Variants in SRGAP3 observed in about 807,000 individuals in gnomAD.
SRGAP3 encodes the protein SLIT-ROBO Rho GTPase-activating protein 3.
In SRGAP3, 39 loss-of-function variants were observed where a neutral mutation model predicts 121.1. The ratio of observed to expected loss-of-function variants is 0.32; its 90% confidence interval spans 0.25 to 0.42. The LOEUF is 0.42. SRGAP3 is among the 10% of genes least tolerant of loss of function. SRGAP3 has a pLI of 1.00. For synonymous variants in SRGAP3, 601 were observed against 570.0 expected, an observed-to-expected ratio of 1.05 and a Z score of -0.77; for missense variants, 1,213 against 1,470.6, an observed-to-expected ratio of 0.82 and a Z score of 2.86.
At chr3:9,224,090 T>C (rs1952906121) in intron 1 of SRGAP3, among the ~76,000 whole-genome samples, 1 of 152,104 alleles carries the variant, frequency 6.6e-6, no homozygotes, top group Admixed American at 6.5e-5. Context: ...CAAACACGCC[T>C]GCAACAAACA....
intron 2 of SRGAP3, among the ~76,000 whole-genome samples, chr3:9,120,220 A>G (rs758021657): frequency 7.2e-5 from 11 of 152,256 alleles, no homozygotes; most frequent in Non-Finnish European, 1.2e-4. Context: ...TTGGTGGAAT[A>G]AGCAAATAAG....
intron 3 of SRGAP3, among the ~76,000 whole-genome samples, chr3:9,265,656 T>C (rs1954344821): frequency 6.7e-6 from 1 of 149,698 alleles, no homozygotes; most frequent in South Asian, 2.1e-4. Context: ...GAAATGCAAA[T>C]CAAAACCACA....
intron 3 of SRGAP3, among the ~76,000 whole-genome samples, chr3:9,274,335 C>T (rs1047903550): frequency 3.3e-5 from 5 of 152,246 alleles, no homozygotes; most frequent in Non-Finnish European, 7.3e-5. Flanking sequence ...TGGAACTAGC[C>T]AGCTGCTTCA....
chr3:9,334,914 A>T (rs1955667333), intron 1 of SRGAP3, among the ~76,000 whole-genome samples: 1 of 152,202 alleles, frequency 6.6e-6, no homozygotes, highest in Non-Finnish European at 1.5e-5. Context: ...ACGGGTGTGG[A>T]AAAGGCTTTG....
At chr3:8,987,428 T>A (rs2324668) in intron 21 of SRGAP3, among the ~76,000 whole-genome samples, 12,927 of 150,648 alleles carry the variant, frequency 0.086, 1,472 homozygotes, top group African/African-American at 0.26. Flanking sequence ...CTAAAAAAAA[T>A]AAATAAAAAG....
chr3:9,326,930 A>G (rs1373481103), intron 2 of SRGAP3, among the ~76,000 whole-genome samples: 2 of 151,854 alleles, frequency 1.3e-5, no homozygotes, highest in Non-Finnish European at 2.9e-5. Flanking sequence ...ACAAGACCCA[A>G]TGAAGATAGC....
rs1425093828 is a variant in SRGAP3, at chr3:8,985,696, T to C, written c.3123A>G (p.Pro1041=). 5 of 1,597,000 alleles carry C rather than the reference T, an allele frequency of 3.1e-6. No homozygotes were observed. The East Asian group carries it at 1.1e-4, about 36-fold the overall frequency. ...SSTEMMTTFK[P]ALSARLAGAQ... is the part of the protein sequence containing the mutation. ...CGCCAGCCAGGCGGGCGGACAGGGC[T>C]GGCTTGAAGGTGGTCATCATCTCGG... Residue 1041 remains proline, a synonymous_variant, in exon 22 of 22, where the codon CCA becomes CCG. Coordinates refer to ENST00000383836, the MANE Select transcript of SRGAP3 (RefSeq NM_014850.4). This position sits in a 1 kb window ranked among gnomAD's most constrained non-coding sequence, Gnocchi z 5.1.
chr3:9,038,139 C>T (rs1413292562), intron 10 of SRGAP3, 49 bp from the exon 11 acceptor site: 20 of 1,610,520 alleles, frequency 1.2e-5, no homozygotes, highest in Admixed American at 1.7e-5. Context: ...TCTTTTTAAT[C>T]CAAAGAACAT....
intron 3 of SRGAP3, among the ~76,000 whole-genome samples, chr3:9,323,924 G>A (rs774279697): frequency 2.0e-5 from 3 of 151,658 alleles, no homozygotes; most frequent in Non-Finnish European, 2.9e-5. Context: ...AGCAATGAAC[G>A]ATTTGCGAAT....
chr3:9,235,024 G>A (rs1395901369), intron 1 of SRGAP3, among the ~76,000 whole-genome samples: 3 of 152,156 alleles, frequency 2.0e-5, no homozygotes, highest in African/African-American at 7.2e-5. Context: ...AGTTCTTGAT[G>A]AGTTAGCTCA....
intron 1 of SRGAP3, among the ~76,000 whole-genome samples, chr3:9,141,289 A>G (rs1342485323): frequency 1.3e-5 from 2 of 152,164 alleles, no homozygotes; most frequent in Non-Finnish European, 2.9e-5. Context: ...TTCACCTGAC[A>G]TTAATAGGGT....
intron 3 of SRGAP3, among the ~76,000 whole-genome samples, chr3:9,316,612 A>T (rs1212335476): frequency 6.6e-6 from 1 of 152,074 alleles, no homozygotes; most frequent in Admixed American, 6.5e-5. Context: ...GTGAGCTGAG[A>T]TCGCACCACT....
chr3:9,224,214 C>G (rs1952911404), intron 1 of SRGAP3, among the ~76,000 whole-genome samples: 1 of 152,198 alleles, frequency 6.6e-6, no homozygotes, highest in Non-Finnish European at 1.5e-5. Flanking sequence ...AGACATGAGA[C>G]TTGGCTGTTT....
rs147456518 is a variant in SRGAP3, at chr3:9,057,120, G to A, written c.1024-786C>T. ...TGTCGTTGTTTTTTAACAGAGACAG[G>A]GTTTCACCATGTTGGCCAGGCTGGT... On this transcript the variant is annotated intron_variant, in intron 7 of 21. Coordinates refer to ENST00000383836, the MANE Select transcript of SRGAP3 (RefSeq NM_014850.4). Among the ~76,000 whole-genome samples, 1,321 of 152,230 alleles carry A rather than the reference G, an allele frequency of 8.7e-3. 6 individuals are homozygous for A. The highest frequency in any genetic ancestry group is 0.015 in the South Asian group (70 of 4,806).
At position 8,985,232 on chromosome 3, in the gene SRGAP3, A is replaced by T; in HGVS notation, c.*287T>A. ...AGTTTCCAGTGACGATATGCGGGAGAAGCCATGTGGTATTTTGCCTCCATG... is the reference window on the plus strand; with the variant it reads ...AGTTTCCAGTGACGATATGCGGGAGTAGCCATGTGGTATTTTGCCTCCATG... On this transcript the variant is annotated 3_prime_UTR_variant, in exon 22 of 22. Coordinates refer to ENST00000383836, the MANE Select transcript of SRGAP3 (RefSeq NM_014850.4). The surrounding 1 kb of genome is among the most constrained non-coding windows in gnomAD (Gnocchi z 5.1). The T allele has an allele frequency of 2.1e-5, 11 of 517,830 alleles. No homozygotes were observed. The highest frequency in any genetic ancestry group is 3.6e-5 in the Admixed American group (1 of 27,610). The allele number at this position is 517,830 out of a possible 1,614,324, so 32.1% of individuals were successfully genotyped here.
intron 11 of SRGAP3, chr3:9,035,494 T>A (rs1944703007): frequency 5.5e-6 from 1 of 180,644 alleles, no homozygotes; most frequent in South Asian, 2.0e-4. Flanking sequence ...CAAATCTATA[T>A]CGACTTACTG....
intron 20 of SRGAP3, among the ~76,000 whole-genome samples, chr3:8,991,331 G>A (rs753487974): frequency 3.3e-5 from 5 of 152,122 alleles, no homozygotes; most frequent in East Asian, 1.9e-4. Flanking sequence ...ACACTCTAAC[G>A]TTGCCACCCA....
chr3:9,294,651 T>A (rs1954921825), intron 3 of SRGAP3, among the ~76,000 whole-genome samples: 2 of 151,078 alleles, frequency 1.3e-5, no homozygotes, highest in Admixed American at 1.3e-4. Context: ...CCCTTAGCAA[T>A]ATGAACTCAC....
chr3:9,282,937 C>CT (rs1332181335), intron 3 of SRGAP3, among the ~76,000 whole-genome samples: 5 of 151,610 alleles, frequency 3.3e-5, no homozygotes, highest in African/African-American at 9.7e-5. Context: ...GTGGTAGTTT[C>CT]TTTTTTTTGT....
Sources: allele counts gnomAD v4.1 joint callset (sites outside exome capture counted in the v4.1 genomes callset), GRCh38; gene constraint gnomAD v4.1.1; non-coding constraint Gnocchi (gnomAD v3.1); transcripts MANE v1.5; gene names NCBI Gene and HGNC (gene_info 2026-07-23, HGNC 2026-07-21).